DNM3: variants seen among roughly 807,000 people sequenced by gnomAD.
DNM3 encodes the protein dynamin 3.
A neutral mutation model predicts 101.6 loss-of-function variants in DNM3; 47 were observed. The ratio of observed to expected loss-of-function variants is 0.46; its 90% CI spans 0.37 to 0.59. The LOEUF (loss-of-function observed/expected upper bound fraction) is 0.59, where lower values mean the gene tolerates loss of function less well. Ranked by LOEUF, DNM3 falls within the 20% of genes least tolerant of loss-of-function variation. The pLI, the probability that DNM3 is intolerant of heterozygous loss-of-function variation, is 0.00. For synonymous variants in DNM3, 385 were observed against 387.9 expected (o/e 0.99, Z 0.09); for missense variants, 849 against 1,085.7 (o/e 0.78, Z 3.06).
At chr1:172,032,368 A>C in intron 4 of DNM3, 34 bp from the exon 5 acceptor site, 1 of 1,517,346 alleles carries the variant, frequency 6.6e-7, no homozygotes. Context: ...AGTCTTCTGC[A>C]AATTGTGTAA....
intron 15 of DNM3, among the ~76,000 whole-genome samples, chr1:172,306,749 C>G (rs1427421168): frequency 3.9e-5 from 6 of 152,130 alleles, no homozygotes; most frequent in Non-Finnish European, 8.8e-5. Context: ...ATCTCTTTGA[C>G]AAACCTGACC....
At chr1:172,065,849 A>G (rs1010438189) in intron 10 of DNM3, among the ~76,000 whole-genome samples, 3 of 152,204 alleles carry the variant, frequency 2.0e-5, no homozygotes, top group Non-Finnish European at 4.4e-5. Context: ...TCAAAGAGTT[A>G]TTGCTATTAA....
chr1:172,204,480 C>T (rs1451161918), intron 14 of DNM3, among the ~76,000 whole-genome samples: 1 of 152,082 alleles, frequency 6.6e-6, no homozygotes, highest in Non-Finnish European at 1.5e-5. Flanking sequence ...ACTTGAACAA[C>T]TTGCAGGCCT....
chr1:171,903,732 A>T (rs2125241102), intron 1 of DNM3, among the ~76,000 whole-genome samples: 1 of 152,326 alleles, frequency 6.6e-6, no homozygotes, highest in African/African-American at 2.4e-5. Flanking sequence ...GAACTTGAAA[A>T]TTTAACTTGT....
At chr1:172,043,645 G>A (rs2049559715) in intron 8 of DNM3, among the ~76,000 whole-genome samples, 1 of 152,078 alleles carries the variant, frequency 6.6e-6, no homozygotes, top group Admixed American at 6.6e-5. Flanking sequence ...GATCCAGACA[G>A]GAGAGGAATG....
chr1:171,942,195 C>T (rs1395430393), intron 2 of DNM3, among the ~76,000 whole-genome samples: 1 of 122,400 alleles, frequency 8.2e-6, no homozygotes, highest in Non-Finnish European at 1.7e-5. Flanking sequence ...AAATGCTGCT[C>T]ACTTGATTTT....
chr1:172,117,775 T>C (rs982673768), intron 13 of DNM3, among the ~76,000 whole-genome samples: 2 of 152,194 alleles, frequency 1.3e-5, no homozygotes, highest in African/African-American at 4.8e-5. Flanking sequence ...AATGAGCTCT[T>C]TTATTTTGAC....
At chr1:171,995,026 G>A (rs2045900720) in intron 4 of DNM3, among the ~76,000 whole-genome samples, 1 of 150,522 alleles carries the variant, frequency 6.6e-6, no homozygotes, top group Non-Finnish European at 1.5e-5. Context: ...GGCTACTGTA[G>A]AGATGAGAGG....
At chr1:171,955,284 G>A (rs114310869) in intron 2 of DNM3, among the ~76,000 whole-genome samples, 1,657 of 152,270 alleles carry the variant, frequency 0.011, 27 homozygotes, top group African/African-American at 0.037. Context: ...TGATAAATGT[G>A]CACTTATAAA....
At chr1:171,862,719 T>A (rs973835381) in intron 1 of DNM3, among the ~76,000 whole-genome samples, 1 of 152,148 alleles carries the variant, frequency 6.6e-6, no homozygotes, top group Non-Finnish European at 1.5e-5. Flanking sequence ...AAAGGGTGAC[T>A]TTTATGATCT....
intron 14 of DNM3, among the ~76,000 whole-genome samples, chr1:172,206,518 A>G (rs919485076): frequency 2.6e-5 from 4 of 152,120 alleles, no homozygotes. Flanking sequence ...ATTTGCCTAA[A>G]TAATACTGCT....
At chr1:172,001,557 C>T (rs190741747) in intron 4 of DNM3, among the ~76,000 whole-genome samples, 21 of 152,062 alleles carry the variant, frequency 1.4e-4, no homozygotes, top group Non-Finnish European at 2.1e-4. Flanking sequence ...TCAAAGGCCT[C>T]GCTAGGGAGG....
At chr1:172,233,417 A>G (rs148403471) in intron 14 of DNM3, among the ~76,000 whole-genome samples, 7,044 of 152,182 alleles carry the variant, frequency 0.046, 496 homozygotes, top group African/African-American at 0.15. Flanking sequence ...CAACCAAAAA[A>G]AGTCCAGGAC....
At chr1:172,305,019 A>G (rs192338566) in intron 15 of DNM3, among the ~76,000 whole-genome samples, 293 of 152,366 alleles carry the variant, frequency 1.9e-3, no homozygotes, top group Non-Finnish European at 3.6e-3. Context: ...AGAAGGCAAG[A>G]AATAACTAAG....
intron 14 of DNM3, among the ~76,000 whole-genome samples, chr1:172,234,681 C>T (rs927440753): frequency 6.6e-6 from 1 of 152,034 alleles, no homozygotes; most frequent in Non-Finnish European, 1.5e-5. Flanking sequence ...GGTACCAAAA[C>T]AGAGATATAG....
intron 15 of DNM3, among the ~76,000 whole-genome samples, chr1:172,288,354 G>A (rs2063778193): frequency 6.6e-6 from 1 of 152,190 alleles, no homozygotes; most frequent in Admixed American, 6.5e-5. Context: ...AAGACCCTGA[G>A]GTAGGGAGAA....
intron 6 of DNM3, among the ~76,000 whole-genome samples, chr1:172,035,192 T>G (rs1165238912): frequency 6.6e-6 from 1 of 152,076 alleles, no homozygotes; most frequent in Non-Finnish European, 1.5e-5. Flanking sequence ...GTTTCCAGAT[T>G]CTTATGAAGT....
At chr1:172,022,838 T>G (rs2047939221) in intron 4 of DNM3, among the ~76,000 whole-genome samples, 1 of 152,166 alleles carries the variant, frequency 6.6e-6, no homozygotes, top group African/African-American at 2.4e-5. Flanking sequence ...CTCCTATACT[T>G]ATGTATACTC....
chr1:172,355,261 C>G (rs2067392091), intron 17 of DNM3, among the ~76,000 whole-genome samples: 1 of 151,618 alleles, frequency 6.6e-6, no homozygotes, highest in African/African-American at 2.4e-5. Flanking sequence ...ACACACAAAG[C>G]CATCATGAGT....
Sources: gnomAD v4.1 joint callset for allele counts (sites outside exome capture counted in the v4.1 genomes callset) on GRCh38, gnomAD v4.1.1 for gene constraint, MANE v1.5 for transcripts, NCBI Gene and HGNC (gene_info 2026-07-23, HGNC 2026-07-21) for gene names.